The following EYA1 variants were observed in gnomAD, a reference collection of about 807,000 sequenced individuals.
EYA1 encodes the protein protein phosphatase EYA1.
A neutral mutation model predicts 82.0 loss-of-function variants in EYA1; 16 were observed. That is an observed-to-expected ratio of 0.20 (90% CI 0.13 to 0.30). The LOEUF (loss-of-function observed/expected upper bound fraction) is 0.30. Among genes scored for constraint, EYA1 ranks in the 10% least tolerant of loss-of-function variants. EYA1 has a pLI of 1.00. For synonymous variants in EYA1, 261 were observed against 264.4 expected (o/e 0.99, Z 0.12); for missense variants, 633 against 730.7 (o/e 0.87, Z 1.54).
chr8:71,338,174 A>G (rs1824716874), intron 3 of EYA1, among the ~76,000 whole-genome samples: 1 of 152,272 alleles, frequency 6.6e-6, no homozygotes, highest in Non-Finnish European at 1.5e-5. Flanking sequence ...ATCCGAAGTA[A>G]AGGGATGTAT....
intron 9 of EYA1, among the ~76,000 whole-genome samples, chr8:71,275,041 A>G (rs558962582): frequency 2.0e-5 from 3 of 151,252 alleles, no homozygotes; most frequent in African/African-American, 7.4e-5. Context: ...CAGAAAAAGA[A>G]CACAGAGATG....
intron 2 of EYA1, among the ~76,000 whole-genome samples, chr8:71,492,924 C>G (rs774908902): frequency 6.6e-6 from 1 of 152,172 alleles, no homozygotes; most frequent in Non-Finnish European, 1.5e-5. Context: ...CACATTCCAC[C>G]TTCTGATAGG....
At chr8:71,526,632 G>C (rs898131983) in intron 2 of EYA1, among the ~76,000 whole-genome samples, 3 of 152,208 alleles carry the variant, frequency 2.0e-5, no homozygotes, top group African/African-American at 7.2e-5. Context: ...CTGGCCACAT[G>C]TGCCCCTCCA....
At chr8:71,254,005 C>T (rs1465471261) in intron 11 of EYA1, among the ~76,000 whole-genome samples, 1 of 152,026 alleles carries the variant, frequency 6.6e-6, no homozygotes, top group Non-Finnish European at 1.5e-5. Flanking sequence ...TTTTTTCTGG[C>T]AGCAAGGCTA....
chr8:71,439,510 T>G (rs894554364), intron 2 of EYA1, among the ~76,000 whole-genome samples: 1 of 152,258 alleles, frequency 6.6e-6, no homozygotes, highest in Non-Finnish European at 1.5e-5. Flanking sequence ...TGTCTGAGCA[T>G]GATTATGGGA....
upstream of EYA1, among the ~76,000 whole-genome samples, chr8:71,366,024 A>G (rs573426250): frequency 3.3e-5 from 5 of 152,304 alleles, no homozygotes; most frequent in African/African-American, 4.8e-5. Context: ...TATCAACACA[A>G]TATGAAAATA....
Position 71,334,931 on chromosome 8 carries a change from T to A in EYA1, c.125-757A>T, listed in dbSNP as rs182237052. On this transcript the variant is annotated intron_variant, in intron 3 of 17. Transcript: ENST00000340726. ...CTACAGATTCTCTAAAGCAATCCAC[T>A]CCCCTGATATGGTGACAGTGTTATT... Among the ~76,000 whole-genome samples, 155 of 152,270 alleles carry A rather than the reference T, an allele frequency of 1.0e-3. 2 individuals are homozygous for A. Among genetic ancestry groups the A allele is most frequent in the Admixed American group, 7.7e-3 (117 of 15,290 alleles).
chr8:71,328,358 T>C (rs1475842097), intron 4 of EYA1, among the ~76,000 whole-genome samples: 2 of 152,200 alleles, frequency 1.3e-5, no homozygotes, highest in East Asian at 3.8e-4. Flanking sequence ...AACAAGAGAA[T>C]ACCGATTCCG....
intron 11 of EYA1, among the ~76,000 whole-genome samples, chr8:71,260,961 G>A (rs1420815240): frequency 1.3e-5 from 2 of 152,138 alleles, no homozygotes; most frequent in African/African-American, 4.8e-5. Context: ...GGACCTGAAT[G>A]TCATTTAAAA....
At chr8:71,547,854 CT>C (rs1471015281) in intron 1 of EYA1, 1 of 151,412 alleles carries the variant, frequency 6.6e-6, no homozygotes, top group Non-Finnish European at 1.5e-5. Flanking sequence ...GGCAGCGCGG[CT>C]GCACTTACTT....
chr8:71,498,641 A>G (rs1173221662), intron 2 of EYA1, among the ~76,000 whole-genome samples: 2 of 152,138 alleles, frequency 1.3e-5, no homozygotes, highest in African/African-American at 4.8e-5. Context: ...TTCACATGTG[A>G]AGAGAAAAGG....
intron 2 of EYA1, among the ~76,000 whole-genome samples, chr8:71,389,346 C>T (rs1411383802): frequency 2.0e-5 from 3 of 151,830 alleles, no homozygotes; most frequent in Admixed American, 6.6e-5. Context: ...AGAAGAAAAA[C>T]GTTAGCATAT....
chr8:71,351,018 C>T lies in EYA1; in HGVS notation c.124+3764G>A, dbSNP rs555231731. Among the ~76,000 whole-genome samples the T allele has an allele frequency of 2.0e-5, 3 of 152,274 alleles. No individual in the cohort carries two copies. In the South Asian group the frequency reaches 6.2e-4, roughly 32 times the overall value. On this transcript the variant is annotated intron_variant, in intron 3 of 17. Transcript: ENST00000340726. ...CCACGCAGAGGCTTGCACAGATTCC[C>T]AAACATTACAAATCCTCTCAGATTT...
chr8:71,400,604 C>T (rs1183216386), intron 2 of EYA1, among the ~76,000 whole-genome samples: 3 of 152,188 alleles, frequency 2.0e-5, no homozygotes, highest in Non-Finnish European at 2.9e-5. Context: ...TCGCATCAGT[C>T]AGAATGGCAT....
intron 12 of EYA1, among the ~76,000 whole-genome samples, chr8:71,234,231 C>T (rs1444911104): frequency 6.6e-6 from 1 of 152,186 alleles, no homozygotes; most frequent in Non-Finnish European, 1.5e-5. Flanking sequence ...TGGAATCATT[C>T]CTGCTGACAT....
intron 12 of EYA1, among the ~76,000 whole-genome samples, chr8:71,235,526 A>G (rs1395225200): frequency 1.3e-5 from 2 of 152,096 alleles, no homozygotes; most frequent in Non-Finnish European, 2.9e-5. Flanking sequence ...CTCAGCTAAC[A>G]ATGCCCCACT....
intron 2 of EYA1, among the ~76,000 whole-genome samples, chr8:71,421,847 A>T (rs1027369892): frequency 1.3e-5 from 2 of 152,220 alleles, no homozygotes. Context: ...CTGCAAAATG[A>T]ACAATGTAGT....
At chr8:71,426,795 T>G (rs767279365) in intron 2 of EYA1, among the ~76,000 whole-genome samples, 47 of 152,228 alleles carry the variant, frequency 3.1e-4, no homozygotes, top group Middle Eastern at 3.2e-3. Flanking sequence ...GTTGAACTCT[T>G]TGTTATTAGT....
intron 12 of EYA1, among the ~76,000 whole-genome samples, chr8:71,223,094 G>A (rs577195787): frequency 6.6e-5 from 10 of 152,312 alleles, no homozygotes; most frequent in South Asian, 2.1e-4. Context: ...TGTAGTAACC[G>A]GGTCTCTGCC....
Sources: gnomAD v4.1 joint callset for allele counts (sites outside exome capture counted in the v4.1 genomes callset) on GRCh38, gnomAD v4.1.1 for gene constraint, MANE v1.5 for transcripts, NCBI Gene and HGNC (gene_info 2026-07-23, HGNC 2026-07-21) for gene names.